Variants in FHL1 observed in about 807,000 individuals in gnomAD.
FHL1 encodes the protein four and a half LIM domains protein 1.
In FHL1, 1 loss-of-function variant was observed where a neutral mutation model predicts 20.3. That is an observed-to-expected ratio of 0.05 (90% confidence interval 0.02 to 0.23). The LOEUF is 0.23. Ranked by LOEUF, FHL1 falls within the 10% of genes least tolerant of loss-of-function variation. The pLI is 1.00. For missense variants in FHL1, 177 were observed against 234.0 expected (o/e 0.76, Z 1.59); for synonymous variants, 82 against 88.9 (o/e 0.92, Z 0.44).
intron 1 of FHL1, among the ~76,000 whole-genome samples, chrX:136,199,498 A>C (rs1022711055): frequency 8.9e-6 from 1 of 112,542 alleles, no homozygotes; most frequent in Non-Finnish European, 1.9e-5. Flanking sequence ...CATTGCAGCT[A>C]CTTAGGTATT....
chrX:136,156,502 G>A (rs1036311563), intron 1 of FHL1, among the ~76,000 whole-genome samples: 2 of 110,896 alleles, frequency 1.8e-5, no homozygotes, highest in Admixed American at 9.7e-5. Context: ...GGCTGATCTC[G>A]AACTCCTGAC....
intron 1 of FHL1, among the ~76,000 whole-genome samples, chrX:136,162,954 G>GGCT (rs2072613197): frequency 8.9e-6 from 1 of 112,238 alleles, no homozygotes; most frequent in Non-Finnish European, 1.9e-5. Context: ...GATTGTTAAG[G>GGCT]GCTGCTCTCT....
chrX:136,202,509 G>A (rs1260630371), intron 1 of FHL1, among the ~76,000 whole-genome samples: 1 of 111,986 alleles, frequency 8.9e-6, no homozygotes, highest in Non-Finnish European at 1.9e-5. Context: ...CCTGTAAAAT[G>A]CACTTTGGGA....
At chrX:136,150,032 G>C (rs1350154644) in intron 1 of FHL1, among the ~76,000 whole-genome samples, 1 of 111,828 alleles carries the variant, frequency 8.9e-6, no homozygotes, top group Non-Finnish European at 1.9e-5. Flanking sequence ...GAAGCATGTT[G>C]ATAGGAAGTG....
intron 1 of FHL1, among the ~76,000 whole-genome samples, chrX:136,155,544 A>G (rs777205566): frequency 7.8e-4 from 87 of 112,055 alleles, no homozygotes; most frequent in African/African-American, 2.7e-3. Context: ...TACTATTTGA[A>G]CAAGTGAGAG....
chrX:136,156,932 G>A lies in FHL1; in HGVS notation c.-101+9304G>A, dbSNP rs1327537840. 2.7e-5 allele frequency among the ~76,000 whole-genome samples: 3 copies of A among 109,855 alleles called. No homozygotes were observed. In the Admixed American group the frequency reaches 2.9e-4, roughly 11 times the overall value. On this transcript the variant is annotated intron_variant, in intron 1 of 7. Transcript: ENST00000394155. ...AATCAATCACCTGCACTTTCGGGTG[G>A]CCAGGTGGACTGAAGTAACAGGTTT...
chrX:136,203,616 A>G (rs1271764201), intron 1 of FHL1, among the ~76,000 whole-genome samples: 2 of 112,221 alleles, frequency 1.8e-5, no homozygotes, highest in East Asian at 5.6e-4. Flanking sequence ...TATCATCTGG[A>G]TGCTTAGAAC....
At chrX:136,193,745 C>T (rs2073487149), upstream of FHL1, among the ~76,000 whole-genome samples, 1 of 110,325 alleles carries the variant, frequency 9.1e-6, no homozygotes, top group Admixed American at 9.7e-5. Flanking sequence ...TTCAGTCTTT[C>T]CTTGCATCTC....
intron 4 of FHL1, 77 bp from the exon 5 acceptor site, chrX:136,208,378 C>T: frequency 1.9e-6 from 2 of 1,078,726 alleles, no homozygotes; most frequent in South Asian, 3.7e-5. Flanking sequence ...AAGCGCCCAG[C>T]ACAGTGCCTG....
At chrX:136,189,768 C>T (rs2073391052) in intron 2 of FHL1, among the ~76,000 whole-genome samples, 1 of 111,426 alleles carries the variant, frequency 9.0e-6, no homozygotes, top group East Asian at 2.8e-4. Flanking sequence ...AGGCAGGATT[C>T]GAATTTAGAT....
chrX:136,180,944 G>A (rs2073140153), intron 2 of FHL1, among the ~76,000 whole-genome samples: 1 of 111,787 alleles, frequency 8.9e-6, no homozygotes, highest in South Asian at 3.7e-4. Context: ...GTTTTGCCAT[G>A]TTGGCCAGGC....
At chrX:136,166,679 G>A (rs1171807938), upstream of FHL1, among the ~76,000 whole-genome samples, 1 of 112,140 alleles carries the variant, frequency 8.9e-6, no homozygotes, top group African/African-American at 3.2e-5. Flanking sequence ...AGAAGGGTGA[G>A]TAAGATGAAA....
At chrX:136,205,801 A>G (rs966390252) in intron 1 of FHL1, among the ~76,000 whole-genome samples, 1 of 111,374 alleles carries the variant, frequency 9.0e-6, no homozygotes, top group Non-Finnish European at 1.9e-5. Context: ...AGAGGATACT[A>G]CCCTCCCTAA....
rs771700018 is a variant in FHL1, at chrX:136,207,968, T to G, written c.549+7T>G. The G allele has an allele frequency of 2.4e-5, 29 of 1,211,091 alleles. No homozygotes were observed. The highest frequency in any genetic ancestry group is 3.1e-5 in the Non-Finnish European group (28 of 895,243). On this transcript the variant is annotated splice_region_variant and intron_variant, in intron 4 of 5. Transcript: ENST00000370683. ...TTGCGTGAAGTGCAACAAGGTATGCTTTCAAGGGAGTTCTGCATTGACCGT... is the reference window on the plus strand; with the variant it reads ...TTGCGTGAAGTGCAACAAGGTATGCGTTCAAGGGAGTTCTGCATTGACCGT...
chrX:136,177,370 T>A (rs905502218), intron 2 of FHL1, among the ~76,000 whole-genome samples: 5 of 111,757 alleles, frequency 4.5e-5, no homozygotes, highest in Admixed American at 9.5e-5. Flanking sequence ...TAGTGTTCCA[T>A]CTTCACAATT....
At chrX:136,155,892 A>G (rs2072404412) in intron 1 of FHL1, among the ~76,000 whole-genome samples, 1 of 110,383 alleles carries the variant, frequency 9.1e-6, no homozygotes, top group Non-Finnish European at 1.9e-5. Context: ...CTATTTGCCC[A>G]CATAAAATCT....
intron 1 of FHL1, among the ~76,000 whole-genome samples, chrX:136,159,398 C>T (rs111762834): frequency 2.7e-5 from 3 of 110,555 alleles, no homozygotes; most frequent in East Asian, 2.8e-4. Context: ...AAAAATTAGC[C>T]GGGTGTGGTG....
At chrX:136,195,920 T>C (rs897741359), upstream of FHL1, among the ~76,000 whole-genome samples, 16 of 111,767 alleles carry the variant, frequency 1.4e-4, no homozygotes, top group African/African-American at 5.2e-4. Context: ...GGATTGCAGG[T>C]GGGACTATGT....
At chrX:136,167,806 C>T (rs183233594), upstream of FHL1, 184 of 110,953 alleles carry the variant, frequency 1.7e-3, no homozygotes, top group Non-Finnish European at 2.8e-3. Flanking sequence ...GAACCGGATT[C>T]CGTCAAGTAG....
Sources: gnomAD v4.1 joint callset for allele counts (sites outside exome capture counted in the v4.1 genomes callset) on GRCh38, gnomAD v4.1.1 for gene constraint, MANE v1.5 for transcripts, NCBI Gene and HGNC (gene_info 2026-07-23, HGNC 2026-07-21) for gene names.